Variants in CCDC187 observed in about 807,000 individuals in gnomAD.
CCDC187 encodes coiled-coil domain containing 187.
In CCDC187, 32 loss-of-function variants were observed where a neutral mutation model predicts 38.0. The observed-to-expected ratio is 0.84, with a 90% CI of 0.64 to 1.13. The LOEUF (loss-of-function observed/expected upper bound fraction) is 1.13, where lower values mean the gene tolerates loss of function less well. Among genes scored for constraint, CCDC187 ranks in the 50% most tolerant of loss-of-function variants. CCDC187 has a pLI of 0.00. For missense variants in CCDC187, 707 were observed against 786.8 expected (o/e 0.90, Z 1.21); for synonymous variants, 333 against 347.9 (o/e 0.96, Z 0.48).
In CCDC187 at chr9:136,301,454, G is replaced by A. The variant is rs1831679690; in HGVS notation, c.626-1136C>T. ...GGGGTGAGTGTTTCATGGGGACAGAGCTTCAGTTTGGGAAGATGAACAGTC... is the reference window on the plus strand; with the variant it reads ...GGGGTGAGTGTTTCATGGGGACAGAACTTCAGTTTGGGAAGATGAACAGTC... On this transcript the variant is annotated intron_variant, in intron 2 of 25. Transcript: ENST00000638797. Among the ~76,000 whole-genome samples, 2 of 152,132 alleles carry A rather than the reference G, an allele frequency of 1.3e-5. 1 individual carries two copies. Among genetic ancestry groups the A allele is most frequent in the South Asian group, 4.1e-4 (2 of 4,824 alleles).
At chr9:136,272,731 T>C (rs1588657383) in intron 14 of CCDC187, among the ~76,000 whole-genome samples, 1 of 148,586 alleles carries the variant, frequency 6.7e-6, no homozygotes, top group Non-Finnish European at 1.5e-5. Context: ...AAAACTAGCT[T>C]GGGGTGGTGG....
chr9:136,294,016 AC>A (rs1335040100), intron 4 of CCDC187, among the ~76,000 whole-genome samples: 2 of 150,758 alleles, frequency 1.3e-5, no homozygotes, highest in Non-Finnish European at 3.0e-5. Flanking sequence ...ACACGCCCTC[AC>A]ATGCTCTCAC....
chr9:136,263,235 C>CTTT (rs35662036), intron 18 of CCDC187, among the ~76,000 whole-genome samples: 5 of 94,078 alleles, frequency 5.3e-5, no homozygotes, highest in Non-Finnish European at 1.1e-4. Flanking sequence ...GGGCCACAGG[C>CTTT]TTTTTTTTTT....
At chr9:136,294,108 A>G (rs1831471005) in intron 4 of CCDC187, among the ~76,000 whole-genome samples, 1 of 96,012 alleles carries the variant, frequency 1.0e-5, no homozygotes, top group Non-Finnish European at 2.1e-5. Flanking sequence ...AAGTGCTCAC[A>G]CTCACACACT....
At chr9:136,287,538 C>T (rs1477444177) in intron 7 of CCDC187, among the ~76,000 whole-genome samples, 1 of 152,206 alleles carries the variant, frequency 6.6e-6, no homozygotes, top group Non-Finnish European at 1.5e-5. Context: ...CCCTGATACG[C>T]AAGACCCCAA....
intron 21 of CCDC187, among the ~76,000 whole-genome samples, 156 bp from the exon 22 acceptor site, chr9:136,259,157 C>T (rs1830650482): frequency 1.3e-5 from 2 of 150,538 alleles, no homozygotes; most frequent in African/African-American, 4.9e-5. Flanking sequence ...CAGGCAGGGA[C>T]AAACAGGGAC....
intron 8 of CCDC187, among the ~76,000 whole-genome samples, 195 bp downstream of exon 8, chr9:136,285,890 G>A (rs1723684637): frequency 2.0e-5 from 3 of 152,306 alleles, no homozygotes; most frequent in South Asian, 2.1e-4. Flanking sequence ...CCACAAGGAT[G>A]AGCCCACACA....
At chr9:136,300,599 C>CT (rs878935448) in intron 2 of CCDC187, among the ~76,000 whole-genome samples, 4 of 142,554 alleles carry the variant, frequency 2.8e-5, no homozygotes, top group African/African-American at 5.2e-5. Flanking sequence ...TTTCAAAAGA[C>CT]TTTTTTTTTT....
intron 9 of CCDC187, among the ~76,000 whole-genome samples, chr9:136,284,467 C>T (rs1481875735): frequency 2.6e-5 from 4 of 152,292 alleles, no homozygotes; most frequent in African/African-American, 9.6e-5. Flanking sequence ...GCCCGGGTTC[C>T]GGGGCTGCCT....
At chr9:136,301,656 G>A (rs913974949) in intron 2 of CCDC187, among the ~76,000 whole-genome samples, 7 of 141,966 alleles carry the variant, frequency 4.9e-5, no homozygotes, top group South Asian at 4.4e-4. Context: ...GCGCAATCTC[G>A]ACTCACTGCA....
chr9:136,290,948 GCCAGGGTCC>G lies in CCDC187; in HGVS notation c.1656_1664del (p.Glu552_Gly555delinsAsp). ...TTTCCAGAGGGTTCCGCAGTCTGGG[GCCAGGGTCC>G]TCCCAGGTTTCACAGGCAGTCCAGG... On this transcript the variant is annotated inframe_deletion, in exon 6 of 26. Coordinates refer to ENST00000638797, the MANE Select transcript of CCDC187 (RefSeq NM_001378188.1). 2.5e-6 allele frequency: 1 copy of G among 398,716 alleles called. No homozygotes were observed. Among genetic ancestry groups the G allele is most frequent in the Non-Finnish European group, 4.4e-6 (1 of 226,146 alleles). 24.7% of individuals were successfully genotyped at this position (398,716 alleles called of 1,614,324 possible). A position where few individuals can be genotyped will look rare whatever the true frequency, so the allele number is the denominator to read the frequency against.
Position 136,293,160 on chromosome 9 carries a change from C to T in CCDC187, c.833-865G>A, listed in dbSNP as rs1182794629. 1.7e-4 allele frequency among the ~76,000 whole-genome samples: 10 copies of T among 60,560 alleles called. 1 individual carries two copies. The highest frequency in any genetic ancestry group is 1.2e-3 in the East Asian group (2 of 1,712). The allele number at this position is 60,560 out of a possible 152,430, so 39.7% of individuals were successfully genotyped here. The stretch of plus-strand genomic sequence containing the variant: ...GCTCACACACTCACAAACACATGCT[C>T]ACACACTCACATGCTCACACACACT... On this transcript the variant is annotated intron_variant, in intron 4 of 25. Coordinates refer to ENST00000638797, the MANE Select transcript of CCDC187 (RefSeq NM_001378188.1).
rs548881770 is a variant in CCDC187 at position 136,261,865 on chromosome 9, G to A, written c.4064+446C>T. 3.9e-5 allele frequency among the ~76,000 whole-genome samples: 6 copies of A among 152,358 alleles called. No homozygotes were observed. In the East Asian group the frequency reaches 9.6e-4, roughly 24 times the overall value. On this transcript the variant is annotated intron_variant, in intron 19 of 25. Transcript: ENST00000638797. ...AGCTCAAAGGAGAGAAGGCCTCCTC[G>A]GCCCTCCAGGGCCATTTCGAGCCCG...
rs767788281 is a variant in CCDC187, at chr9:136,252,945, G to A, written c.*649C>T. 1 of 152,400 alleles carries A rather than the reference G, an allele frequency of 6.6e-6. No individual in the cohort carries two copies. Among genetic ancestry groups the A allele is most frequent in the African/African-American group, 2.4e-5 (1 of 41,438 alleles). The allele number at this position is 152,400 out of a possible 1,614,324, so 9.4% of individuals were successfully genotyped here. On this transcript the variant is annotated 3_prime_UTR_variant, in exon 26 of 26. Coordinates refer to ENST00000638797, the MANE Select transcript of CCDC187 (RefSeq NM_001378188.1). ...TCAACGTCCTCACCAGCATGCTCAA[G>A]GGACCCAGACTTTCCACTGGCGGCC...
intron 7 of CCDC187, among the ~76,000 whole-genome samples, chr9:136,287,537 G>A (rs1188512402): frequency 5.3e-5 from 8 of 152,226 alleles, no homozygotes; most frequent in African/African-American, 1.4e-4. Context: ...TCCCTGATAC[G>A]CAAGACCCCA....
At position 136,251,384 on chromosome 9, in the gene CCDC187, G is replaced by A. The variant is rs1231677276; in HGVS notation, c.*2210C>T. 2 of 259,414 alleles carry A rather than the reference G, an allele frequency of 7.7e-6. No homozygotes were observed. Among genetic ancestry groups the A allele is most frequent in the African/African-American group, 2.2e-5 (1 of 45,460 alleles). The allele number at this position is 259,414 out of a possible 1,614,324, so 16.1% of individuals were successfully genotyped here. A position where few individuals can be genotyped will look rare whatever the true frequency, so the allele number is the denominator to read the frequency against. ...AGCCCCCGGCCGTGCGGGCTGCGCA[G>A]AAATGACCTTGGGCCCTTGAGCCGT... On this transcript the variant is annotated 3_prime_UTR_variant, in exon 26 of 26. Transcript: ENST00000638797.
chr9:136,268,235 G>T, intron 14 of CCDC187, 110 bp from the exon 15 acceptor site: 2 of 610,922 alleles, frequency 3.3e-6, no homozygotes, highest in Non-Finnish European at 4.1e-6. Context: ...GGGCAGTTTA[G>T]TGTCCCCATC....
intron 3 of CCDC187, 59 bp downstream of exon 3, chr9:136,300,161 C>T (rs1831641531): frequency 2.5e-6 from 1 of 398,190 alleles, no homozygotes; most frequent in South Asian, 1.3e-4. Context: ...TGTGCTGCCC[C>T]CATCATGGCC....
intron 7 of CCDC187, among the ~76,000 whole-genome samples, chr9:136,288,025 C>T (rs1468185525): frequency 6.6e-6 from 1 of 152,144 alleles, no homozygotes; most frequent in Non-Finnish European, 1.5e-5. Flanking sequence ...AAAAAAAGGA[C>T]AAGGACATGA....
Sources: gnomAD v4.1 joint callset for allele counts (sites outside exome capture counted in the v4.1 genomes callset) on GRCh38, gnomAD v4.1.1 for gene constraint, MANE v1.5 for transcripts, NCBI Gene and HGNC (gene_info 2026-07-23, HGNC 2026-07-21) for gene names.